The following COL5A2 variants were observed in gnomAD, a reference collection of about 807,000 sequenced individuals.
COL5A2 encodes collagen type V alpha 2 chain.
COL5A2 carries 23 observed loss-of-function variants against 208.2 expected under a neutral mutation model. The observed-to-expected ratio is 0.11, with a 90% CI of 0.08 to 0.16. COL5A2 has a LOEUF of 0.16. Among genes scored for constraint, COL5A2 ranks in the 10% least tolerant of loss-of-function variants. The pLI is 1.00. For missense variants in COL5A2, 1,590 were observed against 1,956.4 expected (o/e 0.81, Z 3.53); for synonymous variants, 625 against 628.5 (o/e 0.99, Z 0.08).
At chr2:189,061,810 C>G (rs1686038697) in intron 29 of COL5A2, among the ~76,000 whole-genome samples, 195 bp from the exon 30 acceptor site, 1 of 152,126 alleles carries the variant, frequency 6.6e-6, no homozygotes, top group Non-Finnish European at 1.5e-5. Context: ...GAGAAAATAT[C>G]TTCTAAAGCC....
the COL5A2 span, among the ~76,000 whole-genome samples, chr2:189,373,953 G>T: frequency 2.6e-5 from 4 of 152,140 alleles, no homozygotes; most frequent in Non-Finnish European, 5.9e-5. Flanking sequence ...TTTGTCTAAA[G>T]CAGTGGGACA....
chr2:189,332,878 T>C, the COL5A2 span, among the ~76,000 whole-genome samples: 111 of 152,338 alleles, frequency 7.3e-4, no homozygotes, highest in African/African-American at 2.5e-3. Context: ...ATTGGAACAG[T>C]TGTGTTTTGG....
At chr2:189,121,925 C>T (rs1687510310) in intron 1 of COL5A2, among the ~76,000 whole-genome samples, 1 of 151,944 alleles carries the variant, frequency 6.6e-6, no homozygotes, top group Non-Finnish European at 1.5e-5. Flanking sequence ...ATATTAAATA[C>T]CCATACTAAA....
chr2:189,058,629 A>T (rs748157064), intron 32 of COL5A2, 102 bp from the exon 33 acceptor site: 50 of 1,098,354 alleles, frequency 4.6e-5, no homozygotes, highest in Non-Finnish European at 6.7e-5. Flanking sequence ...TTCAGAAATG[A>T]GACATTACTA....
chr2:189,125,066 C>A (rs565923111), intron 1 of COL5A2, among the ~76,000 whole-genome samples: 1 of 151,918 alleles, frequency 6.6e-6, no homozygotes, highest in African/African-American at 2.4e-5. Flanking sequence ...TGGAATTTTA[C>A]GGGCTAAATA....
At chr2:189,139,177 A>G (rs1375148133) in intron 1 of COL5A2, among the ~76,000 whole-genome samples, 1 of 152,218 alleles carries the variant, frequency 6.6e-6, no homozygotes, top group East Asian at 1.9e-4. Flanking sequence ...TGGGAGGCCG[A>G]GGCAGGAGAA....
chr2:189,233,465 CTAAAA>C, the COL5A2 span, among the ~76,000 whole-genome samples: 2 of 151,356 alleles, frequency 1.3e-5, no homozygotes, highest in Non-Finnish European at 1.5e-5. Flanking sequence ...CCAAAGAACT[CTAAAA>C]AGTAGTCACC....
chr2:189,203,845 G>A (rs1221795701), intron 1 of COL5A2, among the ~76,000 whole-genome samples: 1 of 151,420 alleles, frequency 6.6e-6, no homozygotes, highest in African/African-American at 2.4e-5. Flanking sequence ...TAAAATTGGA[G>A]AACTTAGTCT....
At chr2:189,299,454 C>A in the COL5A2 span, among the ~76,000 whole-genome samples, 18 of 152,250 alleles carry the variant, frequency 1.2e-4, no homozygotes, top group East Asian at 3.5e-3. Flanking sequence ...AACTAACCTG[C>A]AAAGAAGAAG....
chr2:189,316,704 T>C, the COL5A2 span, among the ~76,000 whole-genome samples: 3 of 151,774 alleles, frequency 2.0e-5, no homozygotes, highest in Non-Finnish European at 4.4e-5. Flanking sequence ...CAAGTTCACC[T>C]GTATAACAAA....
chr2:189,160,340 GAC>G (rs1688334994), intron 1 of COL5A2, among the ~76,000 whole-genome samples: 1 of 152,156 alleles, frequency 6.6e-6, no homozygotes, highest in African/African-American at 2.4e-5. Flanking sequence ...ACAGAGTATA[GAC>G]CACTAGCCAA....
At chr2:189,262,277 C>T in the COL5A2 span, among the ~76,000 whole-genome samples, 1 of 152,182 alleles carries the variant, frequency 6.6e-6, no homozygotes, top group Non-Finnish European at 1.5e-5. Context: ...CCTGTCCAAA[C>T]CCTACCTTCA....
At chr2:189,208,031 C>T (rs1339877832) in intron 1 of COL5A2, among the ~76,000 whole-genome samples, 3 of 152,122 alleles carry the variant, frequency 2.0e-5, no homozygotes, top group Non-Finnish European at 2.9e-5. Flanking sequence ...GCTAGAAATT[C>T]CAAATGTATT....
intron 1 of COL5A2, among the ~76,000 whole-genome samples, chr2:189,127,008 A>G (rs368377368): frequency 6.6e-6 from 1 of 152,068 alleles, no homozygotes; most frequent in Admixed American, 6.6e-5. Flanking sequence ...GCAAAACGAT[A>G]AGCAACTTAC....
In COL5A2 at chr2:189,122,325, A is replaced by C. The variant is rs1196785814; in HGVS notation, c.98-11876T>G. ...GTGGGTTCTTAAGCAGGCCTTGAAA[A>C]AATAGAAGGTATTTGAGGTGGTGGG... On this transcript the variant is annotated intron_variant, in intron 1 of 53. Transcript: ENST00000374866. 3.3e-5 allele frequency among the ~76,000 whole-genome samples: 5 copies of C among 152,180 alleles called. No individual in the cohort carries two copies. The East Asian group carries it at 9.6e-4, about 29-fold the overall frequency.
At chr2:189,383,820 G>A in the COL5A2 span, among the ~76,000 whole-genome samples, 1 of 151,618 alleles carries the variant, frequency 6.6e-6, no homozygotes, top group East Asian at 1.9e-4. Flanking sequence ...GGTAACTATC[G>A]TTGCCCTATT....
chr2:189,283,758 GGT>G, the COL5A2 span, among the ~76,000 whole-genome samples: 2 of 151,860 alleles, frequency 1.3e-5, no homozygotes, highest in Non-Finnish European at 2.9e-5. Flanking sequence ...GAGGAAATTA[GGT>G]GTGGGATATA....
At chr2:189,238,455 T>G in the COL5A2 span, among the ~76,000 whole-genome samples, 2 of 152,142 alleles carry the variant, frequency 1.3e-5, no homozygotes, top group South Asian at 4.1e-4. Flanking sequence ...ACTAGAATAT[T>G]TGTTATGTAT....
At chr2:189,245,171 A>G in the COL5A2 span, among the ~76,000 whole-genome samples, 35 of 152,304 alleles carry the variant, frequency 2.3e-4, no homozygotes, top group Admixed American at 2.0e-3. Flanking sequence ...ATTCATGACA[A>G]TAATGTTTCT....
Sources: allele counts gnomAD v4.1 joint callset (sites outside exome capture counted in the v4.1 genomes callset), GRCh38; gene constraint gnomAD v4.1.1; transcripts MANE v1.5; gene names NCBI Gene and HGNC (gene_info 2026-07-23, HGNC 2026-07-21).